Variants in USP24 observed in about 807,000 individuals in gnomAD.
USP24 encodes ubiquitin carboxyl-terminal hydrolase 24.
USP24 carries 97 observed loss-of-function variants against 361.6 expected under a neutral mutation model. The ratio of observed to expected loss-of-function variants is 0.27; its 90% confidence interval spans 0.23 to 0.32. The LOEUF (loss-of-function observed/expected upper bound fraction) is 0.32, where lower values mean the gene tolerates loss of function less well. USP24 is among the 10% of genes least tolerant of loss of function. USP24 has a pLI of 1.00. For missense variants in USP24, 2,353 were observed against 3,165.6 expected, an observed-to-expected ratio of 0.74 and a Z score of 6.16; for synonymous variants, 1,098 against 1,124.6, an observed-to-expected ratio of 0.98 and a Z score of 0.47.
intron 36 of USP24, 108 bp downstream of exon 36, chr1:55,123,339 T>C: frequency 2.3e-6 from 3 of 1,311,904 alleles, no homozygotes; most frequent in Non-Finnish European, 3.0e-6. Context: ...TTCCCGCCTT[T>C]TTCATTTTGA....
chr1:55,166,067 T>C, intron 6 of USP24, 117 bp from the exon 7 acceptor site: 1 of 777,796 alleles, frequency 1.3e-6, no homozygotes, highest in Non-Finnish European at 1.9e-6. Flanking sequence ...GATGTTTTGA[T>C]ACAGGCATAC....
At chr1:55,119,367 C>CA (rs796277828) in intron 38 of USP24, among the ~76,000 whole-genome samples, 6 of 152,170 alleles carry the variant, frequency 3.9e-5, no homozygotes, top group African/African-American at 1.4e-4. Context: ...CTAGAGTCGT[C>CA]AAATCCTTAG....
chr1:55,079,711 C>A lies in USP24; in HGVS notation c.7079-52G>T, dbSNP rs1204950456. 3 of 1,491,062 alleles carry A rather than the reference C, an allele frequency of 2.0e-6. No individual in the cohort carries two copies. In the East Asian group the frequency reaches 7.7e-5, roughly 38 times the overall value. 92.4% of individuals were successfully genotyped at this position (1,491,062 alleles called of 1,614,324 possible). On this transcript the variant is annotated intron_variant, in intron 59 of 67. Transcript: ENST00000294383. ...GAACCTGTCTCACCTGGTGTTACTC[C>A]ACAAAATACACATCCATAAGAAAAT...
intron 10 of USP24, 124 bp downstream of exon 10, chr1:55,158,754 C>G: frequency 1.1e-6 from 1 of 874,794 alleles, no homozygotes; most frequent in Non-Finnish European, 1.5e-6. Context: ...CACAATCATT[C>G]TCTTTTTTAT....
chr1:55,118,932 A>T (rs1445444273), intron 38 of USP24, among the ~76,000 whole-genome samples: 5 of 152,364 alleles, frequency 3.3e-5, no homozygotes, highest in African/African-American at 1.2e-4. Context: ...AGCGTTGGCT[A>T]AGATGTGGAG....
chr1:55,186,277 A>T (rs564293936), intron 1 of USP24, among the ~76,000 whole-genome samples: 5 of 152,336 alleles, frequency 3.3e-5, no homozygotes, highest in African/African-American at 1.2e-4. Flanking sequence ...TATAGAAAAA[A>T]ATGTTGGTAA....
chr1:55,094,141 T>C, intron 51 of USP24, 54 bp from the exon 52 acceptor site: 1 of 1,544,064 alleles, frequency 6.5e-7, no homozygotes, highest in Admixed American at 2.1e-5. Context: ...ATTTTTTCAG[T>C]AGTTACTAAG....
At chr1:55,139,840 A>T (rs1302648815) in intron 24 of USP24, among the ~76,000 whole-genome samples, 1 of 152,204 alleles carries the variant, frequency 6.6e-6, no homozygotes, top group East Asian at 1.9e-4. Context: ...AGAGTTCTAA[A>T]TTATTCCAGT....
rs189411040 is a variant in USP24, at chr1:55,173,608, T to C, written c.559-1088A>G. Among the ~76,000 whole-genome samples, 72 of 152,340 alleles carry C rather than the reference T, an allele frequency of 4.7e-4. No homozygotes were observed. In the Middle Eastern group the frequency reaches 0.01, roughly 22 times the overall value. On this transcript the variant is annotated intron_variant, in intron 3 of 67. Coordinates refer to ENST00000294383, the MANE Select transcript of USP24 (RefSeq NM_015306.3). ...AAAATACTATACAACAAAAATTTCA[T>C]CTTGGCTTCACTGAGAACCTCTTTA... is the stretch of plus-strand genomic sequence containing the variant.
intron 16 of USP24, among the ~76,000 whole-genome samples, chr1:55,149,010 A>G (rs766927487): frequency 3.9e-5 from 6 of 152,238 alleles, no homozygotes; most frequent in Non-Finnish European, 8.8e-5. Flanking sequence ...TAGGATACCA[A>G]TGATATGATC....
chr1:55,215,197 C>A lies in USP24; in HGVS notation c.-84G>T. The A allele has an allele frequency of 8.9e-7, 1 of 1,118,944 alleles. No homozygotes were observed. The highest frequency in any genetic ancestry group is 1.1e-6 in the Non-Finnish European group (1 of 896,312). The allele number at this position is 1,118,944 out of a possible 1,614,324, so 69.3% of individuals were successfully genotyped here. On this transcript the variant is annotated 5_prime_UTR_variant, in exon 1 of 68. Transcript: ENST00000294383. ...GGCGGGCCGCGCGGCGCACCCTCCGCGCCGCCTCCGCGCCCAGGTTGGCCC... is the reference window on the plus strand; with the variant it reads ...GGCGGGCCGCGCGGCGCACCCTCCGAGCCGCCTCCGCGCCCAGGTTGGCCC...
chr1:55,127,941 G>T (rs1646483116), intron 32 of USP24, among the ~76,000 whole-genome samples: 1 of 152,114 alleles, frequency 6.6e-6, no homozygotes, highest in African/African-American at 2.4e-5. Flanking sequence ...CTGACAGCTG[G>T]ATTATGTCCT....
At chr1:55,125,057 C>T (rs1176606577) in intron 34 of USP24, among the ~76,000 whole-genome samples, 1 of 152,144 alleles carries the variant, frequency 6.6e-6, no homozygotes, top group African/African-American at 2.4e-5. Flanking sequence ...ATAAAATCAC[C>T]CATCACAGCC....
chr1:55,207,605 C>T (rs1644744172), intron 1 of USP24, among the ~76,000 whole-genome samples: 2 of 152,092 alleles, frequency 1.3e-5, no homozygotes, highest in Non-Finnish European at 2.9e-5. Context: ...ACAGCATTTC[C>T]ATTGTATTAG....
intron 14 of USP24, 35 bp from the exon 15 acceptor site, chr1:55,154,315 A>G (rs1232569484): frequency 6.3e-7 from 1 of 1,582,336 alleles, no homozygotes; most frequent in Non-Finnish European, 8.6e-7. Flanking sequence ...GCCAGCCAAT[A>G]TGCAAATAGC....
At chr1:55,193,060 TTTC>T (rs1246208817) in intron 1 of USP24, among the ~76,000 whole-genome samples, 1 of 152,218 alleles carries the variant, frequency 6.6e-6, no homozygotes, top group African/African-American at 2.4e-5. Flanking sequence ...TAGACATTTT[TTTC>T]TTGTCATTAG....
rs543788464 is a variant in USP24 at position 55,121,511 on chromosome 1, T to C, written c.4277-5A>G. 20 of 1,612,428 alleles carry C rather than the reference T, an allele frequency of 1.2e-5. No homozygotes were observed. The highest frequency in any genetic ancestry group is 1.5e-5 in the Non-Finnish European group (18 of 1,179,128). The stretch of plus-strand genomic sequence containing the variant: ...AGGGCAAGTTATAGAAAGATGCTAA[T>C]AAGAAGAAATGGGGGATGTGGGTGT... On this transcript the variant is annotated splice_polypyrimidine_tract_variant and splice_region_variant and intron_variant, in intron 36 of 67. Coordinates refer to ENST00000294383, the MANE Select transcript of USP24 (RefSeq NM_015306.3).
chr1:55,190,993 T>C (rs1469567211), intron 1 of USP24, among the ~76,000 whole-genome samples: 1 of 152,242 alleles, frequency 6.6e-6, no homozygotes, highest in Non-Finnish European at 1.5e-5. Flanking sequence ...ATCAACTTCA[T>C]TTAAAATTGA....
intron 7 of USP24, among the ~76,000 whole-genome samples, chr1:55,164,052 C>G (rs1570585738): frequency 6.6e-6 from 1 of 151,946 alleles, no homozygotes; most frequent in African/African-American, 2.4e-5. Context: ...ATAGCAAAAA[C>G]ATAGAAATAA....
Sources: allele counts gnomAD v4.1 joint callset (sites outside exome capture counted in the v4.1 genomes callset), GRCh38; gene constraint gnomAD v4.1.1; transcripts MANE v1.5; gene names NCBI Gene and HGNC (gene_info 2026-07-23, HGNC 2026-07-21).